RBFOX1: variants seen among roughly 807,000 people sequenced by gnomAD.
RBFOX1 encodes the protein RNA binding fox-1 homolog 1, also known as RNA binding protein fox-1 homolog 1.
A neutral mutation model predicts 57.7 loss-of-function variants in RBFOX1; 8 were observed. The ratio of observed to expected loss-of-function variants is 0.14; its 90% CI spans 0.08 to 0.25. The LOEUF (loss-of-function observed/expected upper bound fraction) is 0.25. RBFOX1 is among the 10% of genes least tolerant of loss of function. The pLI is 1.00. For missense variants in RBFOX1, 611 were observed against 548.5 expected (o/e 1.11, Z -1.14); for synonymous variants, 326 against 222.4 (o/e 1.47, Z -4.15).
chr16:5,504,037 G>A (rs1310021650), intron 2 of RBFOX1, among the ~76,000 whole-genome samples: 1 of 152,118 alleles, frequency 6.6e-6, no homozygotes, highest in Non-Finnish European at 1.5e-5. Flanking sequence ...GGCTGGTTTG[G>A]GGCCCCTCCA....
At chr16:6,923,474 A>G (rs2074932783) in intron 3 of RBFOX1, among the ~76,000 whole-genome samples, 1 of 152,192 alleles carries the variant, frequency 6.6e-6, no homozygotes, top group South Asian at 2.1e-4. Context: ...TGGAGGAGGC[A>G]GTGAGCCAAT....
intron 2 of RBFOX1, among the ~76,000 whole-genome samples, chr16:6,468,629 C>G (rs552995785): frequency 1.3e-5 from 2 of 150,862 alleles, no homozygotes; most frequent in East Asian, 1.9e-4. Context: ...TTTTTTTTGC[C>G]TTTGCAAAAA....
chr16:6,924,076 A>G (rs902586223), intron 3 of RBFOX1, among the ~76,000 whole-genome samples: 3 of 151,960 alleles, frequency 2.0e-5, no homozygotes, highest in South Asian at 2.1e-4. Context: ...AGACTGAGGC[A>G]TGAGAGTCGC....
intron 4 of RBFOX1, among the ~76,000 whole-genome samples, chr16:7,476,481 A>C (rs2062732293): frequency 1.3e-5 from 2 of 152,212 alleles, no homozygotes; most frequent in African/African-American, 4.8e-5. Flanking sequence ...TAAACATCCC[A>C]ATTATTAGAT....
At chr16:5,853,999 A>G (rs373016772) in intron 3 of RBFOX1, among the ~76,000 whole-genome samples, 1 of 152,336 alleles carries the variant, frequency 6.6e-6, no homozygotes, top group African/African-American at 2.4e-5. Context: ...ATATTTGATC[A>G]TATAATATCA....
In RBFOX1 at chr16:5,898,525, GT is replaced by G. The variant is rs36121105; in HGVS notation, c.351+31203del. 9.8e-3 allele frequency among the ~76,000 whole-genome samples: 1,419 copies of G among 144,122 alleles called. 21 individuals are homozygous for G. The highest frequency in any genetic ancestry group is 0.033 in the African/African-American group (1,282 of 39,040). The allele number at this position is 144,122 out of a possible 152,430, so 94.5% of individuals were successfully genotyped here. On this transcript the variant is annotated intron_variant, in intron 4 of 19. Transcript: ENST00000641259. The stretch of plus-strand genomic sequence containing the variant: ...GATAATAATAAGCAACAGTAGCAGG[GT>G]TTTTTTTTTTTTGGTCATCTACATG...
chr16:6,450,850 T>TATAC (rs1555480803), intron 2 of RBFOX1, among the ~76,000 whole-genome samples: 1 of 52,738 alleles, frequency 1.9e-5, no homozygotes, highest in Admixed American at 2.9e-4. Context: ...TATATATATA[T>TATAC]ATATATATAT....
intron 4 of RBFOX1, among the ~76,000 whole-genome samples, chr16:7,099,192 G>C (rs1339269476): frequency 6.6e-6 from 1 of 152,136 alleles, no homozygotes; most frequent in Non-Finnish European, 1.5e-5. Context: ...CAAAAAAACT[G>C]AGTACAAACA....
rs113026903 is a variant in RBFOX1 at position 6,713,422 on chromosome 16, A to C, written c.-16+58772A>C. ...CTAATCTCCAGTCTAAGATTTCTCA[A>C]CCTTGGTATTGGGACATTTAGAGCT... On this transcript the variant is annotated intron_variant, in intron 3 of 15. Coordinates refer to ENST00000550418, the MANE Select transcript of RBFOX1 (RefSeq NM_018723.4). Among the ~76,000 whole-genome samples the C allele has an allele frequency of 3.3e-3, 505 of 152,110 alleles. 5 individuals carry two copies. The highest frequency in any genetic ancestry group is 0.012 in the African/African-American group (485 of 41,492).
chr16:6,971,589 A>T (rs1405719188), intron 3 of RBFOX1, among the ~76,000 whole-genome samples: 1 of 152,050 alleles, frequency 6.6e-6, no homozygotes, highest in African/African-American at 2.4e-5. Flanking sequence ...AAAGATCACC[A>T]GCTGTTACAT....
chr16:6,712,871 A>C (rs951104319), intron 3 of RBFOX1, among the ~76,000 whole-genome samples: 1 of 142,492 alleles, frequency 7.0e-6, no homozygotes, highest in Non-Finnish European at 1.5e-5. Flanking sequence ...GAGGTAATTG[A>C]ATCATGGGGG....
intron 4 of RBFOX1, among the ~76,000 whole-genome samples, chr16:7,124,561 C>CCCTCCCTCCCTCCCTT (rs1224678595): frequency 2.3e-5 from 3 of 129,222 alleles, no homozygotes; most frequent in Non-Finnish European, 4.9e-5. Flanking sequence ...CTCCCTCCCT[C>CCCTCCCTCCCTCCCTT]CCTTCCTTCC....
intron 1 of RBFOX1, among the ~76,000 whole-genome samples, chr16:6,100,226 G>C (rs1204900664): frequency 2.0e-5 from 3 of 151,868 alleles, no homozygotes; most frequent in Middle Eastern, 3.2e-3. Context: ...GCAGTGGCCC[G>C]ATCTCGGCTC....
At chr16:5,889,152 T>A (rs1053357493) in intron 4 of RBFOX1, among the ~76,000 whole-genome samples, 1 of 152,184 alleles carries the variant, frequency 6.6e-6, no homozygotes, top group Admixed American at 6.5e-5. Context: ...TGTAAATGTG[T>A]GCCATGGTGG....
chr16:6,467,557 G>A (rs1181835433), intron 2 of RBFOX1, among the ~76,000 whole-genome samples: 1 of 152,124 alleles, frequency 6.6e-6, no homozygotes, highest in Non-Finnish European at 1.5e-5. Flanking sequence ...AAGAGAGCTG[G>A]TTTTGTAGAA....
At chr16:5,401,776 C>T (rs2066722055) in intron 1 of RBFOX1, among the ~76,000 whole-genome samples, 1 of 149,868 alleles carries the variant, frequency 6.7e-6, no homozygotes, top group African/African-American at 2.5e-5. Context: ...TCCTCCTCCT[C>T]CTCCTCCTCC....
At chr16:7,435,860 G>C (rs546433377) in intron 4 of RBFOX1, among the ~76,000 whole-genome samples, 13 of 152,320 alleles carry the variant, frequency 8.5e-5, no homozygotes, top group African/African-American at 2.9e-4. Context: ...AACTGTAGGA[G>C]TTGGCCTGCT....
In RBFOX1 at chr16:6,317,053, A is replaced by T; in HGVS notation, c.-68A>T. On this transcript the variant is annotated 5_prime_UTR_variant, in exon 2 of 16. Transcript: ENST00000550418. ...TACAGCTTCCTTGATCGGACTCAGC[A>T]TTCAGTAAGTGCAACCCATTTTGAA... 1 of 1,534,990 alleles carries T rather than the reference A, an allele frequency of 6.5e-7. No individual in the cohort carries two copies. Among genetic ancestry groups the T allele is most frequent in the Non-Finnish European group, 8.7e-7 (1 of 1,146,000 alleles).
At chr16:6,968,764 C>T (rs2084859350) in intron 3 of RBFOX1, among the ~76,000 whole-genome samples, 1 of 152,074 alleles carries the variant, frequency 6.6e-6, no homozygotes, top group Admixed American at 6.6e-5. Context: ...TGCCTAGTAC[C>T]TTGTAAAGTA....
Sources: allele counts gnomAD v4.1 joint callset (sites outside exome capture counted in the v4.1 genomes callset), GRCh38; gene constraint gnomAD v4.1.1; transcripts MANE v1.5; gene names NCBI Gene and HGNC (gene_info 2026-07-23, HGNC 2026-07-21).